Variants in ESPL1 observed in about 807,000 individuals in gnomAD.
ESPL1 encodes separin.
Under a neutral mutation model 217.2 loss-of-function variants are expected in ESPL1, and 50 were observed. That is an observed-to-expected ratio of 0.23 (90% CI 0.18 to 0.29). The LOEUF (loss-of-function observed/expected upper bound fraction) is 0.29, where lower values mean the gene tolerates loss of function less well. Ranked by LOEUF, ESPL1 falls within the 10% of genes least tolerant of loss-of-function variation. The pLI, the probability that ESPL1 is intolerant of heterozygous loss-of-function variation, is 1.00. For synonymous variants in ESPL1, 994 were observed against 1,081.3 expected, an observed-to-expected ratio of 0.92 and a Z score of 1.58; for missense variants, 1,834 against 2,603.0, an observed-to-expected ratio of 0.70 and a Z score of 6.43.
At position 53,293,002 on chromosome 12, in the gene ESPL1, G is replaced by A. The variant is rs1346935206; in HGVS notation, c.6161+32G>A. ...CTCCAAGGGCAAGACCCATCCTAGG[G>A]CATTAGGACTCCTGCCCTCACCCCA... On this transcript the variant is annotated intron_variant, in intron 30 of 30. Transcript: ENST00000257934. The surrounding 1 kb of genome is among the most constrained non-coding windows in gnomAD (Gnocchi z 4.2). 1 of 1,594,116 alleles carries A rather than the reference G, an allele frequency of 6.3e-7. No homozygotes were observed. The highest frequency in any genetic ancestry group is 1.9e-4 in the Middle Eastern group (1 of 5,292).
rs765000564 is a variant in ESPL1, at chr12:53,290,187, T to C, written c.5216T>C (p.Val1739Ala). The change falls in exon 23 of 31, where the codon GTG becomes GCG. Residue 1739 changes from valine to alanine, a missense_variant. By Grantham distance (64) the Val-to-Ala change is moderately conservative. Transcript: ENST00000257934. Reference protein sequence around the residue: ...RLEKDSPPVSVQIPTGQNKLH... With the variant: ...RLEKDSPPVSAQIPTGQNKLH... The stretch of plus-strand genomic sequence containing the variant: ...GAAAAGGACAGTCCCCCAGTCAGTG[T>C]GCAGATTCCCACTGGCCAGAACAAG... 1 of 1,614,038 alleles carries C rather than the reference T, an allele frequency of 6.2e-7. No homozygotes were observed. The highest frequency in any genetic ancestry group is 1.3e-5 in the African/African-American group (1 of 74,944).
chr12:53,283,254 T>C lies in ESPL1; in HGVS notation c.2917T>C (p.Tyr973His), dbSNP rs1307916698. The change falls in exon 15 of 31, where the codon TAT becomes CAT. Residue 973 changes from tyrosine to histidine, a missense_variant. This residue lies in a region of ESPL1 where 107 missense variants were observed against 171.7 expected (regional missense o/e 0.62). Coordinates refer to ENST00000257934, the MANE Select transcript of ESPL1 (RefSeq NM_012291.5). ...KAAVETSFLD[Y>H]GENLVQKWQV... The stretch of plus-strand genomic sequence containing the variant: ...AGCTGTGGAGACATCGTTTTTGGAC[T>C]ATGGTGAGTCTGGGGAGGACAGCAG... 1.2e-6 allele frequency: 2 copies of C among 1,614,058 alleles called. No individual in the cohort carries two copies. The highest frequency in any genetic ancestry group is 1.7e-6 in the Non-Finnish European group (2 of 1,180,036).
chr12:53,275,279 G>A (rs921033541), intron 7 of ESPL1, among the ~76,000 whole-genome samples: 4 of 152,180 alleles, frequency 2.6e-5, no homozygotes, highest in Non-Finnish European at 5.9e-5. Flanking sequence ...TGGCTAATAC[G>A]GTGAAACCCC....
chr12:53,278,079 G>A lies in ESPL1; in HGVS notation c.2364+119G>A, dbSNP rs181609507. ...AGCCATGAAAGCCAGTGATGGAAGC[G>A]CAGGGCTGTATCACCAGTCTTATTT... is the stretch of plus-strand genomic sequence containing the variant. On this transcript the variant is annotated intron_variant, in intron 11 of 30. Transcript: ENST00000257934. The A allele has an allele frequency of 6.6e-5, 68 of 1,023,980 alleles. No homozygotes were observed. In the African/African-American group the frequency reaches 8.5e-4, roughly 13 times the overall value. 63.4% of individuals were successfully genotyped at this position (1,023,980 alleles called of 1,614,324 possible). A position where few individuals can be genotyped will look rare whatever the true frequency, so the allele number is the denominator to read the frequency against.
chr12:53,269,220 C>G lies in ESPL1; in HGVS notation c.278C>G (p.Pro93Arg). ...DGYLVSTPQR[P>R]PLYLERILFV... The stretch of plus-strand genomic sequence containing the variant: ...TACTTAGTGTCTACCCCACAGCGTC[C>G]TCCCCTCTACCTGGAACGAATTCTC... The change falls in exon 3 of 31, where the codon CCT becomes CGT. Residue 93 changes from proline to arginine, a missense_variant. By Grantham distance (103) the Pro-to-Arg change is moderately radical (BLOSUM62 -2). Coordinates refer to ENST00000257934, the MANE Select transcript of ESPL1 (RefSeq NM_012291.5). This position sits in a 1 kb window ranked among gnomAD's most constrained non-coding sequence, Gnocchi z 6.7. The G allele has an allele frequency of 6.2e-7, 1 of 1,614,142 alleles. No individual in the cohort carries two copies. The highest frequency in any genetic ancestry group is 8.5e-7 in the Non-Finnish European group (1 of 1,180,000).
At chr12:53,270,145 G>A in intron 3 of ESPL1, 60 bp downstream of exon 3, 11 of 1,435,986 alleles carry the variant, frequency 7.7e-6, no homozygotes, top group Non-Finnish European at 1.0e-5. Flanking sequence ...TACCAGCCTA[G>A]GGTATTTGGC....
intron 13 of ESPL1, 24 bp downstream of exon 13, chr12:53,281,650 C>T (rs201236963): frequency 1.7e-5 from 28 of 1,604,378 alleles, no homozygotes; most frequent in Admixed American, 6.9e-5. Context: ...TCTTAAACTC[C>T]GAAGGCCCTG....
Position 53,282,494 on chromosome 12 carries a change from G to C in ESPL1, c.2791+59G>C. The C allele has an allele frequency of 1.3e-6, 2 of 1,516,482 alleles. No individual in the cohort carries two copies. Among genetic ancestry groups the C allele is most frequent in the Non-Finnish European group, 1.8e-6 (2 of 1,101,334 alleles). 93.9% of individuals were successfully genotyped at this position (1,516,482 alleles called of 1,614,324 possible). ...GACATGTATGGTCTGTCTGCTGTCA[G>C]CTCTTCTCAAACCTCATCCCCTCTG... On this transcript the variant is annotated intron_variant, in intron 14 of 30. Coordinates refer to ENST00000257934, the MANE Select transcript of ESPL1 (RefSeq NM_012291.5). This position sits in a 1 kb window ranked among gnomAD's most constrained non-coding sequence, Gnocchi z 4.0.
intron 2 of ESPL1, 71 bp from the exon 3 acceptor site, chr12:53,268,953 C>CTA: frequency 2.0e-6 from 3 of 1,484,938 alleles, no homozygotes; most frequent in Non-Finnish European, 2.8e-6. Flanking sequence ...CTGAGTAACC[C>CTA]TATTTCTAGT....
Position 53,293,191 on chromosome 12 carries a change from C to A in ESPL1, c.6162-82C>A, listed in dbSNP as rs920102350. 1 of 1,239,954 alleles carries A rather than the reference C, an allele frequency of 8.1e-7. No individual in the cohort carries two copies. Among genetic ancestry groups the A allele is most frequent in the Non-Finnish European group, 1.2e-6 (1 of 847,200 alleles). 76.8% of individuals were successfully genotyped at this position (1,239,954 alleles called of 1,614,324 possible). A position where few individuals can be genotyped will look rare whatever the true frequency, so the allele number is the denominator to read the frequency against. On this transcript the variant is annotated intron_variant, in intron 30 of 30. Transcript: ENST00000257934. The surrounding 1 kb of genome is among the most constrained non-coding windows in gnomAD (Gnocchi z 4.2). ...TCATTGGTTCAATCCTCTCCACTCA[C>A]CCACCCCCACCACCAATGGTGTTTT...
At position 53,293,150 on chromosome 12, in the gene ESPL1, G is replaced by C; in HGVS notation, c.6162-123G>C. 1 of 1,011,820 alleles carries C rather than the reference G, an allele frequency of 9.9e-7. No individual in the cohort carries two copies. The highest frequency in any genetic ancestry group is 1.5e-6 in the Non-Finnish European group (1 of 670,416). 62.7% of individuals were successfully genotyped at this position (1,011,820 alleles called of 1,614,324 possible). On this transcript the variant is annotated intron_variant, in intron 30 of 30. Transcript: ENST00000257934. This position sits in a 1 kb window ranked among gnomAD's most constrained non-coding sequence, Gnocchi z 4.2. ...CCTTCTGTTCTTCTCTTGTAACCAA[G>C]GGCCAAAGGAGTTTCTCATTGGTTC... is the stretch of plus-strand genomic sequence containing the variant.
chr12:53,273,836 G>GTTTTTTTTTTTTT (rs71096001), intron 6 of ESPL1, among the ~76,000 whole-genome samples: 8 of 63,168 alleles, frequency 1.3e-4, no homozygotes, highest in African/African-American at 5.5e-4. Context: ...TGGTTTTTTG[G>GTTTTTTTTTTTTT]TTTTTTTTTT....
At chr12:53,275,627 TGGG>T (rs998445235) in intron 7 of ESPL1, among the ~76,000 whole-genome samples, 4 of 152,138 alleles carry the variant, frequency 2.6e-5, no homozygotes, top group African/African-American at 7.2e-5. Flanking sequence ...CTGTGCTACT[TGGG>T]GGGTATAGTG....
intron 6 of ESPL1, among the ~76,000 whole-genome samples, chr12:53,273,836 G>GTTTTTTTTTTTTTTTT (rs71096001): frequency 6.3e-5 from 4 of 63,168 alleles, no homozygotes; most frequent in African/African-American, 2.3e-4. Context: ...TGGTTTTTTG[G>GTTTTTTTTTTTTTTTT]TTTTTTTTTT....
At position 53,288,071 on chromosome 12, in the gene ESPL1, G is replaced by C. The variant is rs1190768115; in HGVS notation, c.4276G>C (p.Gly1426Arg). The change falls in exon 19 of 31, where the codon GGG (glycine) becomes CGG (arginine). Residue 1426 changes from glycine to arginine, a missense_variant. By Grantham distance (125) the Gly-to-Arg change is moderately radical. Coordinates refer to ENST00000257934, the MANE Select transcript of ESPL1 (RefSeq NM_012291.5). ...KRRGTASRGR[G>R]RARKGLSLKT... ...ACGGGGCACTGCTTCCCGGGGCCGGGGGCGAGCAAGGAAGGGCCTGAGCCT... is the reference window on the plus strand; with the variant it reads ...ACGGGGCACTGCTTCCCGGGGCCGGCGGCGAGCAAGGAAGGGCCTGAGCCT... The C allele has an allele frequency of 6.2e-7, 1 of 1,613,624 alleles. No individual in the cohort carries two copies. The highest frequency in any genetic ancestry group is 8.5e-7 in the Non-Finnish European group (1 of 1,179,990).
intron 25 of ESPL1, among the ~76,000 whole-genome samples, 156 bp from the exon 26 acceptor site, chr12:53,291,534 T>A (rs544326773): frequency 6.6e-6 from 1 of 151,998 alleles, no homozygotes; most frequent in African/African-American, 2.4e-5. Context: ...GAGGTTGCAG[T>A]GAGCTGAGAT....
intron 6 of ESPL1, among the ~76,000 whole-genome samples, chr12:53,273,780 TC>T (rs1943715920): frequency 6.8e-6 from 1 of 146,464 alleles, no homozygotes; most frequent in Non-Finnish European, 1.5e-5. Context: ...TTTTCAAAGA[TC>T]CCCCAGGTGG....
rs778088216 is a variant in ESPL1, at chr12:53,289,116, G to T, written c.4735G>T (p.Asp1579Tyr). The T allele has an allele frequency of 6.2e-7, 1 of 1,614,168 alleles. No homozygotes were observed. The highest frequency in any genetic ancestry group is 2.2e-5 in the East Asian group (1 of 44,882). Residue 1579 changes from aspartate to tyrosine, a missense_variant, in exon 21 of 31, where the codon GAC (aspartate) becomes TAC (tyrosine). Transcript: ENST00000257934. Reference protein sequence around the residue: ...TGLSTLDSICDSLSVAFRGIS... With the variant: ...TGLSTLDSICYSLSVAFRGIS... ...TCTTTCTACCCTGGACTCCATCTGT[G>T]ACTCCCTGAGTGTTGCTTTCCGGGG...
In ESPL1 at chr12:53,270,708, G is replaced by C; in HGVS notation, c.1279G>C (p.Val427Leu). 1 of 1,614,128 alleles carries C rather than the reference G, an allele frequency of 6.2e-7. No homozygotes were observed. Among genetic ancestry groups the C allele is most frequent in the Non-Finnish European group, 8.5e-7 (1 of 1,180,004 alleles). ...TGATTTGGCTGACCTGACCCAACTAGTGGACAGTTGTAAATCTACCGTTGT... is the reference window on the plus strand; with the variant it reads ...TGATTTGGCTGACCTGACCCAACTACTGGACAGTTGTAAATCTACCGTTGT... ...IVDLADLTQL[V>L]DSCKSTVVWM... Residue 427 changes from valine to leucine, a missense_variant, in exon 5 of 31, where the codon GTG becomes CTG. By Grantham distance (32) the Val-to-Leu change is conservative. Coordinates refer to ENST00000257934, the MANE Select transcript of ESPL1 (RefSeq NM_012291.5).
Sources: allele counts gnomAD v4.1 joint callset (sites outside exome capture counted in the v4.1 genomes callset), GRCh38; gene constraint gnomAD v4.1.1; regional missense constraint gnomAD v4.1.1; non-coding constraint Gnocchi (gnomAD v3.1); transcripts MANE v1.5; gene names NCBI Gene and HGNC (gene_info 2026-07-23, HGNC 2026-07-21).